Variants in ADARB2 observed in about 807,000 individuals in gnomAD.
ADARB2 encodes the protein adenosine deaminase RNA specific B2 (inactive).
Under a neutral mutation model 62.2 loss-of-function variants are expected in ADARB2, and 25 were observed. The observed-to-expected ratio is 0.40, with a 90% CI of 0.29 to 0.56. The LOEUF (loss-of-function observed/expected upper bound fraction) is 0.56. Ranked by LOEUF, ADARB2 falls within the 20% of genes least tolerant of loss-of-function variation. The pLI is 0.43. For synonymous variants in ADARB2, 572 were observed against 500.8 expected (o/e 1.14, Z -1.90); for missense variants, 1,071 against 1,077.4 (o/e 0.99, Z 0.08).
intron 1 of ADARB2, among the ~76,000 whole-genome samples, chr10:1,482,201 G>A (rs555169341): frequency 1.3e-5 from 2 of 152,188 alleles, no homozygotes; most frequent in African/African-American, 4.8e-5. Context: ...CTTGGGAAAA[G>A]TAAGCATGAT....
intron 3 of ADARB2, among the ~76,000 whole-genome samples, chr10:1,347,751 A>G (rs1442581110): frequency 6.6e-6 from 1 of 152,050 alleles, no homozygotes; most frequent in Admixed American, 6.5e-5. Context: ...CCTCCTCTGG[A>G]CCCCACGTAC....
At chr10:1,321,993 G>T (rs1313943893) in intron 3 of ADARB2, among the ~76,000 whole-genome samples, 1 of 152,038 alleles carries the variant, frequency 6.6e-6, no homozygotes, top group Non-Finnish European at 1.5e-5. Flanking sequence ...AGAAGACACA[G>T]AAATGCTCCC....
At chr10:1,544,956 T>TATACACACACACACACACACACACAC (rs10526252) in intron 1 of ADARB2, among the ~76,000 whole-genome samples, 4,025 of 133,812 alleles carry the variant, frequency 0.03, 129 homozygotes, top group Middle Eastern at 0.066. Flanking sequence ...TAGCAAAGTA[T>TATACACACACACACACACACACACAC]ACACACACAC....
At chr10:1,730,268 G>C (rs956784210) in intron 1 of ADARB2, among the ~76,000 whole-genome samples, 2 of 152,182 alleles carry the variant, frequency 1.3e-5, no homozygotes, top group Admixed American at 1.3e-4. Context: ...CCAGATTTGA[G>C]TTAGAGATCC....
intron 1 of ADARB2, among the ~76,000 whole-genome samples, chr10:1,725,562 A>G (rs1336753940): frequency 1.3e-5 from 2 of 152,124 alleles, no homozygotes; most frequent in African/African-American, 4.8e-5. Context: ...GAAGCAGGGA[A>G]AGCCCCCCAC....
At chr10:1,475,542 T>C (rs1831388765) in intron 1 of ADARB2, among the ~76,000 whole-genome samples, 1 of 152,216 alleles carries the variant, frequency 6.6e-6, no homozygotes, top group Admixed American at 6.5e-5. Flanking sequence ...CCCTCAGGAT[T>C]GCCCCAGATG....
chr10:1,298,720 ATTTTTTTTTTTTTTTTTTT>A (rs75978268), intron 3 of ADARB2, among the ~76,000 whole-genome samples: 6 of 110,774 alleles, frequency 5.4e-5, no homozygotes, highest in South Asian at 2.6e-4. Context: ...TGCGACGGGA[ATTTTTTTTTTTTTTTTTTT>A]TTTTTTTTTT....
chr10:1,401,861 G>C (rs112900046), intron 1 of ADARB2, among the ~76,000 whole-genome samples: 1 of 152,308 alleles, frequency 6.6e-6, no homozygotes, highest in Non-Finnish European at 1.5e-5. Flanking sequence ...ACAGGTGCTA[G>C]TGCCCAGAGC....
At chr10:1,567,994 G>T in intron 1 of ADARB2, among the ~76,000 whole-genome samples, 1 of 152,192 alleles carries the variant, frequency 6.6e-6, no homozygotes, top group Non-Finnish European at 1.5e-5. Flanking sequence ...TCGATCCTTG[G>T]GAACCTGTGT....
intron 1 of ADARB2, among the ~76,000 whole-genome samples, chr10:1,696,499 T>G (rs1262030440): frequency 6.6e-6 from 1 of 152,208 alleles, no homozygotes; most frequent in East Asian, 1.9e-4. Context: ...AGCCTTTTAT[T>G]TCAACCCCCA....
In ADARB2 at chr10:1,477,930, C is replaced by A. The variant is rs1466246715; in HGVS notation, c.101-98770G>T. On this transcript the variant is annotated intron_variant, in intron 1 of 9. Coordinates refer to ENST00000381312, the MANE Select transcript of ADARB2 (RefSeq NM_018702.4). This position sits in a 1 kb window ranked among gnomAD's most constrained non-coding sequence, Gnocchi z 4.5. ...TGCATCCCAGGGAAGAGCCCCTCTG[C>A]TGGAGGACTAAGAGGGTCCATGTGG... 6.6e-6 allele frequency among the ~76,000 whole-genome samples: 1 copy of A among 152,232 alleles called. No homozygotes were observed. Among genetic ancestry groups the A allele is most frequent in the Non-Finnish European group, 1.5e-5 (1 of 68,040 alleles).
In ADARB2 at chr10:1,434,418, C is replaced by T. The variant is rs552631312; in HGVS notation, c.101-55258G>A. 2.0e-5 allele frequency among the ~76,000 whole-genome samples: 3 copies of T among 152,304 alleles called. No homozygotes were observed. The South Asian group carries it at 6.2e-4, about 32-fold the overall frequency. ...TGTGGGTGTGGCAGGCCAGGTCTCACTAACGCAGGCCTCCGTAGCAACTGT... is the reference window on the plus strand; with the variant it reads ...TGTGGGTGTGGCAGGCCAGGTCTCATTAACGCAGGCCTCCGTAGCAACTGT... On this transcript the variant is annotated intron_variant, in intron 1 of 9. Coordinates refer to ENST00000381312, the MANE Select transcript of ADARB2 (RefSeq NM_018702.4).
chr10:1,591,925 G>A (rs556123235), intron 1 of ADARB2, among the ~76,000 whole-genome samples: 3 of 152,282 alleles, frequency 2.0e-5, no homozygotes, highest in East Asian at 1.9e-4. Flanking sequence ...ACACAAGATC[G>A]ACCTCCGGCC....
At chr10:1,280,947 T>C (rs1188648753) in intron 3 of ADARB2, among the ~76,000 whole-genome samples, 1 of 152,224 alleles carries the variant, frequency 6.6e-6, no homozygotes, top group East Asian at 1.9e-4. Flanking sequence ...CACGCACGGC[T>C]TATTTATAGT....
rs1447212212 is a variant in ADARB2, at chr10:1,177,548, C to T, written c.*5645G>A. ...ATTACTATGTGTTAAGTTCATTTTG[C>T]TTACAAAATGCTGAAAACTAACGGG... On this transcript the variant is annotated 3_prime_UTR_variant, in exon 10 of 10. Transcript: ENST00000381312. 1 of 151,774 alleles carries T rather than the reference C, an allele frequency of 6.6e-6. No homozygotes were observed. The highest frequency in any genetic ancestry group is 1.5e-5 in the Non-Finnish European group (1 of 67,964). The allele number at this position is 151,774 out of a possible 1,614,324, so 9.4% of individuals were successfully genotyped here. A position where few individuals can be genotyped will look rare whatever the true frequency, so the allele number is the denominator to read the frequency against.
At chr10:1,413,797 A>C (rs1832779242) in intron 1 of ADARB2, among the ~76,000 whole-genome samples, 1 of 152,218 alleles carries the variant, frequency 6.6e-6, no homozygotes, top group Non-Finnish European at 1.5e-5. Flanking sequence ...GTCAAAACCC[A>C]AATAATCTTT....
intron 1 of ADARB2, among the ~76,000 whole-genome samples, chr10:1,639,808 C>T (rs1270000507): frequency 6.6e-6 from 1 of 152,168 alleles, no homozygotes; most frequent in African/African-American, 2.4e-5. Flanking sequence ...TGCCACTGCA[C>T]TCCAGCCTGG....
chr10:1,618,147 TTACTC>T (rs1333025356), intron 1 of ADARB2, among the ~76,000 whole-genome samples: 4 of 152,340 alleles, frequency 2.6e-5, no homozygotes, highest in Admixed American at 6.5e-5. Flanking sequence ...GTTCCAGCCT[TTACTC>T]TAACAGAATG....
chr10:1,451,674 G>T (rs905048395), intron 1 of ADARB2, among the ~76,000 whole-genome samples: 7 of 151,830 alleles, frequency 4.6e-5, no homozygotes, highest in African/African-American at 1.7e-4. Context: ...TGTATAACAG[G>T]GGACACACCT....
Sources: gnomAD v4.1 joint callset for allele counts (sites outside exome capture counted in the v4.1 genomes callset) on GRCh38, gnomAD v4.1.1 for gene constraint, Gnocchi (gnomAD v3.1) non-coding constraint, MANE v1.5 for transcripts, NCBI Gene and HGNC (gene_info 2026-07-23, HGNC 2026-07-21) for gene names.